FOLH1: variants seen among roughly 807,000 people sequenced by gnomAD.
FOLH1 encodes glutamate carboxypeptidase 2.
Under a neutral mutation model 93.9 loss-of-function variants are expected in FOLH1, and 54 were observed. The ratio of observed to expected loss-of-function variants is 0.57; its 90% CI spans 0.46 to 0.72. The LOEUF (loss-of-function observed/expected upper bound fraction) is 0.72, where lower values mean the gene tolerates loss of function less well. FOLH1 is among the 30% of genes least tolerant of loss of function. The pLI is 0.00. For synonymous variants in FOLH1, 249 were observed against 303.6 expected (o/e 0.82, Z 1.87); for missense variants, 571 against 892.5 (o/e 0.64, Z 4.59).
chr11:49,177,309 C>T (rs933071966), intron 7 of FOLH1, among the ~76,000 whole-genome samples: 1 of 151,698 alleles, frequency 6.6e-6, no homozygotes, highest in African/African-American at 2.4e-5. Flanking sequence ...AATAAAATGC[C>T]ACGTATAAAG....
At chr11:49,155,179 A>C (rs1856875205) in intron 15 of FOLH1, among the ~76,000 whole-genome samples, 1 of 152,162 alleles carries the variant, frequency 6.6e-6, no homozygotes, top group Non-Finnish European at 1.5e-5. Flanking sequence ...TGTTGAAGAG[A>C]CTGGGATTCT....
chr11:49,181,209 G>A (rs1319929187), intron 7 of FOLH1, among the ~76,000 whole-genome samples: 3 of 151,210 alleles, frequency 2.0e-5, no homozygotes, highest in Non-Finnish European at 4.4e-5. Context: ...CCGGGTTCAA[G>A]TGATTCTCCT....
intron 3 of FOLH1, among the ~76,000 whole-genome samples, chr11:49,194,587 G>A (rs1361322159): frequency 6.6e-6 from 1 of 151,840 alleles, no homozygotes; most frequent in East Asian, 1.9e-4. Context: ...AAAAGGAAGA[G>A]TAAAATTCAC....
At chr11:49,173,333 T>C in intron 10 of FOLH1, 24 bp downstream of exon 10, 1 of 1,601,102 alleles carries the variant, frequency 6.2e-7, no homozygotes, top group Non-Finnish European at 8.5e-7. Context: ...GGCTGTTTTT[T>C]TTCTTGCTGT....
intron 15 of FOLH1, 41 bp downstream of exon 15, chr11:49,156,676 C>T (rs771395481): frequency 1.2e-6 from 2 of 1,611,246 alleles, no homozygotes; most frequent in African/African-American, 1.3e-5. Context: ...TTAGTTAAAA[C>T]ATATTCATAA....
intron 17 of FOLH1, among the ~76,000 whole-genome samples, chr11:49,150,058 C>T (rs1217588416): frequency 6.6e-6 from 1 of 152,094 alleles, no homozygotes; most frequent in Non-Finnish European, 1.5e-5. Flanking sequence ...TGAGCTCAAG[C>T]AATTCCTCTG....
intron 10 of FOLH1, among the ~76,000 whole-genome samples, chr11:49,172,550 C>T (rs569528953): frequency 2.6e-5 from 4 of 152,054 alleles, no homozygotes; most frequent in African/African-American, 7.2e-5. Context: ...TATGTCTTCT[C>T]CCTAGTTGCT....
At chr11:49,182,453 G>A (rs1333364453) in intron 7 of FOLH1, among the ~76,000 whole-genome samples, 2 of 151,134 alleles carry the variant, frequency 1.3e-5, no homozygotes. Context: ...AAAGCAGAAA[G>A]TTTCAATAAT....
intron 17 of FOLH1, among the ~76,000 whole-genome samples, chr11:49,151,415 CACACACACACACAG>C (rs1408419249): frequency 1.4e-5 from 2 of 141,708 alleles, no homozygotes; most frequent in Non-Finnish European, 3.1e-5. Context: ...CGCGTGCGTG[CACACACACACACAG>C]ACACACACAC....
intron 1 of FOLH1, chr11:49,207,638 TGC>T (rs1205447417): frequency 1.1e-4 from 35 of 323,198 alleles, no homozygotes; most frequent in African/African-American, 7.1e-4. Context: ...ACCAATAATT[TGC>T]AGATAATATT....
At chr11:49,208,179 C>T (rs1864185539) in intron 1 of FOLH1, 113 bp downstream of exon 1, 1 of 782,700 alleles carries the variant, frequency 1.3e-6, no homozygotes, top group Non-Finnish European at 2.0e-6. Flanking sequence ...CCCTAATCGC[C>T]GCCCCTGGGG....
intron 7 of FOLH1, among the ~76,000 whole-genome samples, chr11:49,177,785 TAAA>T (rs747990555): frequency 1.9e-5 from 2 of 104,078 alleles, no homozygotes. Flanking sequence ...CCGTCTCTAC[TAAA>T]AAAAAAAAAA....
rs755638709 is a variant in FOLH1 at position 49,157,989 on chromosome 11, T to C, written c.1495A>G (p.Lys499Glu). 1 of 1,600,976 alleles carries C rather than the reference T, an allele frequency of 6.2e-7. No individual in the cohort carries two copies. Among genetic ancestry groups the C allele is most frequent in the Non-Finnish European group, 8.5e-7 (1 of 1,172,420 alleles). The change falls in exon 14 of 19, where the codon AAA (lysine) becomes GAA (glutamate). Residue 499 changes from lysine (K) to glutamate (E), a missense_variant. This residue lies in a region of FOLH1 where 500 missense variants were observed against 822.9 expected (regional missense o/e 0.61). Coordinates refer to ENST00000256999, the MANE Select transcript of FOLH1 (RefSeq NM_004476.3). ...CTGAACTCTGGGGAAGGACTTTTTT[T>C]AGTCCAACTTTCATAAAGAGATTTG... is the stretch of plus-strand genomic sequence containing the variant. ...EGKSLYESWT[K>E]KSPSPEFSGM... is the part of the protein sequence containing the mutation.
intron 13 of FOLH1, among the ~76,000 whole-genome samples, chr11:49,162,037 C>A (rs1857762794): frequency 6.6e-6 from 1 of 152,178 alleles, no homozygotes; most frequent in Non-Finnish European, 1.5e-5. Context: ...CCTGGCCTTT[C>A]CCTCTAGCTG....
At chr11:49,175,763 G>A in intron 8 of FOLH1, 96 bp downstream of exon 8, 2 of 1,026,138 alleles carry the variant, frequency 1.9e-6, no homozygotes, top group Non-Finnish European at 2.8e-6. Context: ...TTTCCTGCTG[G>A]TATTACATAA....
intron 11 of FOLH1, among the ~76,000 whole-genome samples, chr11:49,170,309 A>T (rs1859090331): frequency 6.6e-6 from 1 of 152,212 alleles, no homozygotes; most frequent in Non-Finnish European, 1.5e-5. Context: ...GAATTAAGAA[A>T]GATAAATGAA....
chr11:49,175,235 G>T (rs1859865540), intron 8 of FOLH1, among the ~76,000 whole-genome samples: 1 of 152,146 alleles, frequency 6.6e-6, no homozygotes, highest in Non-Finnish European at 1.5e-5. Context: ...AGGGGGAAGT[G>T]GGGGAGTGCA....
intron 17 of FOLH1, among the ~76,000 whole-genome samples, chr11:49,150,383 G>A (rs1856367774): frequency 6.6e-6 from 1 of 152,018 alleles, no homozygotes; most frequent in African/African-American, 2.4e-5. Flanking sequence ...AAATAATAGT[G>A]ATTTTTATTT....
At position 49,185,841 on chromosome 11, in the gene FOLH1, C is replaced by A; in HGVS notation, c.654G>T (p.Gln218His). ...GAATGACTCCTTTGGCCCCTGCCAG[C>A]TGGGCATTTTTAACCTAGAAAACAC... ...VFRGNKVKNA[Q>H]LAGAKGVILY... is the part of the protein sequence containing the mutation. Residue 218 changes from glutamine to histidine, a missense_variant, in exon 6 of 19, where the codon CAG (glutamine) becomes CAT (histidine). Transcript: ENST00000256999. 1.3e-6 allele frequency: 2 copies of A among 1,546,246 alleles called. No individual in the cohort carries two copies. Among genetic ancestry groups the A allele is most frequent in the Non-Finnish European group, 1.7e-6 (2 of 1,152,068 alleles).
Sources: gnomAD v4.1 joint callset for allele counts (sites outside exome capture counted in the v4.1 genomes callset) on GRCh38, gnomAD v4.1.1 for gene constraint, gnomAD v4.1.1 regional missense constraint, MANE v1.5 for transcripts, NCBI Gene and HGNC (gene_info 2026-07-23, HGNC 2026-07-21) for gene names.